Variants in ACADL observed in about 807,000 individuals in gnomAD.
ACADL encodes long-chain specific acyl-CoA dehydrogenase, mitochondrial.
A neutral mutation model predicts 56.9 loss-of-function variants in ACADL; 60 were observed. That is an observed-to-expected ratio of 1.05 (90% CI 0.86 to 1.31). ACADL has a LOEUF of 1.31. Among genes scored for constraint, ACADL ranks in the 50% most tolerant of loss-of-function variants. The pLI, the probability that ACADL is intolerant of heterozygous loss-of-function variation, is 0.00. For missense variants in ACADL, 484 were observed against 525.5 expected (o/e 0.92, Z 0.77); for synonymous variants, 158 against 179.7 (o/e 0.88, Z 0.97).
intron 5 of ACADL, chr2:210,209,509 T>C (rs1432519796): frequency 6.6e-6 from 1 of 152,154 alleles, no homozygotes; most frequent in African/African-American, 2.4e-5. Context: ...ATTCTATCAC[T>C]GTATCACTGA....
chr2:210,225,033 A>G, intron 1 of ACADL, 154 bp downstream of exon 1: 1 of 985,316 alleles, frequency 1.0e-6, no homozygotes, highest in South Asian at 4.7e-5. Flanking sequence ...CGCGGGATCC[A>G]GGAAAGGAGG....
At chr2:210,224,224 CAAA>C (rs34460820) in intron 1 of ACADL, 171 of 67,398 alleles carry the variant, frequency 2.5e-3, no homozygotes, top group Non-Finnish European at 3.2e-3. Context: ...GACTCTGTCT[CAAA>C]AAAAAAAAAA....
intron 5 of ACADL, among the ~76,000 whole-genome samples, chr2:210,207,269 T>C (rs1688900731): frequency 6.6e-6 from 1 of 152,162 alleles, no homozygotes; most frequent in Non-Finnish European, 1.5e-5. Flanking sequence ...CACTTAAAAA[T>C]TTTTGAATAG....
intron 8 of ACADL, among the ~76,000 whole-genome samples, chr2:210,195,962 TTC>T (rs1409715858): frequency 3.9e-5 from 6 of 152,176 alleles, no homozygotes; most frequent in African/African-American, 1.4e-4. Context: ...ACATTATCCC[TTC>T]TGATATGGTT....
At position 210,218,020 on chromosome 2, in the gene ACADL, G is replaced by C. The variant is rs1021096119; in HGVS notation, c.316C>G (p.His106Asp). ...QGLLGVNIAE[H>D]LGGIGGDLYS... ...AGATCCCCTCCAATTCCACCAAGAT[G>C]CTCTGCAATATTGACACCAAGCAGT... is the stretch of plus-strand genomic sequence containing the variant. Residue 106 changes from histidine to aspartate, a missense_variant, in exon 3 of 11, where the codon CAT (histidine) becomes GAT (aspartate). Physicochemically the swap from His to Asp is moderately conservative, Grantham distance 81 (BLOSUM62 -1). Coordinates refer to ENST00000233710, the MANE Select transcript of ACADL (RefSeq NM_001608.4). 1 of 1,613,912 alleles carries C rather than the reference G, an allele frequency of 6.2e-7. No homozygotes were observed. Among genetic ancestry groups the C allele is most frequent in the Admixed American group, 1.7e-5 (1 of 59,968 alleles).
chr2:210,199,885 CA>C (rs1264060617), intron 8 of ACADL, among the ~76,000 whole-genome samples: 2 of 152,078 alleles, frequency 1.3e-5, no homozygotes, highest in African/African-American at 4.8e-5. Flanking sequence ...GCTGAGACTA[CA>C]GACACACACC....
At chr2:210,219,127 C>G (rs1295503345) in intron 2 of ACADL, among the ~76,000 whole-genome samples, 1 of 152,170 alleles carries the variant, frequency 6.6e-6, no homozygotes, top group Non-Finnish European at 1.5e-5. Flanking sequence ...GTTTTGAATA[C>G]AGTTCTTGCT....
intron 4 of ACADL, among the ~76,000 whole-genome samples, chr2:210,210,607 G>A (rs1490376903): frequency 6.6e-6 from 1 of 152,058 alleles, no homozygotes; most frequent in African/African-American, 2.4e-5. Flanking sequence ...GTACTTTGCT[G>A]CCTTTAAACA....
chr2:210,192,376 G>C (rs2539005), intron 10 of ACADL, among the ~76,000 whole-genome samples: 14,989 of 152,000 alleles, frequency 0.099, 832 homozygotes, highest in Middle Eastern at 0.14. Flanking sequence ...GTTAATTCCA[G>C]CTACTCTGGA....
chr2:210,191,906 T>C (rs1158297566), intron 10 of ACADL, among the ~76,000 whole-genome samples: 1 of 152,030 alleles, frequency 6.6e-6, no homozygotes, highest in Non-Finnish European at 1.5e-5. Flanking sequence ...GGCAAAAGAC[T>C]GTTAGGAGAA....
At position 210,188,921 on chromosome 2, in the gene ACADL, G is replaced by T; in HGVS notation, c.*40C>A. 7.1e-7 allele frequency: 1 copy of T among 1,417,876 alleles called. No individual in the cohort carries two copies. Among genetic ancestry groups the T allele is most frequent in the Non-Finnish European group, 1.0e-6 (1 of 1,001,448 alleles). 87.8% of individuals were successfully genotyped at this position (1,417,876 alleles called of 1,614,324 possible). On this transcript the variant is annotated 3_prime_UTR_variant, in exon 11 of 11. Transcript: ENST00000233710. ...ATTTTATCTTGAGCAGATTTAAAAC[G>T]AGATTAGCTGTAATAGGACTCCAGG...
chr2:210,224,556 AACT>A (rs1689234813), intron 1 of ACADL: 11 of 984,976 alleles, frequency 1.1e-5, no homozygotes, highest in Non-Finnish European at 1.3e-5. Flanking sequence ...GTAGTCACTG[AACT>A]ACTTAGACTC....
chr2:210,217,173 A>G (rs1470380852), intron 3 of ACADL, among the ~76,000 whole-genome samples: 1 of 152,156 alleles, frequency 6.6e-6, no homozygotes, highest in African/African-American at 2.4e-5. Flanking sequence ...ACTGCTGGAC[A>G]TTTAGATTGC....
At position 210,216,356 on chromosome 2, in the gene ACADL, C is replaced by T. The variant is rs1465795605; in HGVS notation, c.527G>A (p.Gly176Glu). 6.2e-7 allele frequency: 1 copy of T among 1,613,560 alleles called. No individual in the cohort carries two copies. Residue 176 changes from glycine (G) to glutamate (E), a missense_variant, in exon 4 of 11, where the codon GGA becomes GAA. By Grantham distance (98) the Gly-to-Glu change is moderately conservative (BLOSUM62 -2). Transcript: ENST00000233710. ...CTAAATATTAACTTACCTTCCAGCT[C>T]CAGGCTCTGTCATTGCTATTGCACC... is the stretch of plus-strand genomic sequence containing the variant. ...CIGAIAMTEP[G>E]AGSDLQGIKT...
At chr2:210,207,237 C>T (rs1688900286) in intron 5 of ACADL, among the ~76,000 whole-genome samples, 1 of 152,138 alleles carries the variant, frequency 6.6e-6, no homozygotes, top group South Asian at 2.1e-4. Context: ...TTTCTAAATG[C>T]AATCTGATCA....
chr2:210,212,901 A>G (rs1186181710), intron 4 of ACADL, among the ~76,000 whole-genome samples: 4 of 152,208 alleles, frequency 2.6e-5, no homozygotes, highest in Admixed American at 6.5e-5. Context: ...CTGTTACAAC[A>G]TTGTCCGTGG....
chr2:210,208,572 C>T (rs1688927895), intron 5 of ACADL, among the ~76,000 whole-genome samples: 1 of 151,952 alleles, frequency 6.6e-6, no homozygotes, highest in Non-Finnish European at 1.5e-5. Flanking sequence ...TATAAAATAA[C>T]AGAAAATCAT....
At chr2:210,201,223 T>A (rs1004395877) in intron 8 of ACADL, among the ~76,000 whole-genome samples, 3 of 152,162 alleles carry the variant, frequency 2.0e-5, no homozygotes, top group Non-Finnish European at 4.4e-5. Context: ...CGCAGGACTT[T>A]CTTTCACTTT....
chr2:210,198,424 AT>A (rs1311361260), intron 8 of ACADL, among the ~76,000 whole-genome samples: 3 of 152,214 alleles, frequency 2.0e-5, no homozygotes, highest in African/African-American at 7.2e-5. Context: ...AAGAAGTATT[AT>A]TTTTTTCCTC....
Sources: gnomAD v4.1 joint callset for allele counts (sites outside exome capture counted in the v4.1 genomes callset) on GRCh38, gnomAD v4.1.1 for gene constraint, MANE v1.5 for transcripts, NCBI Gene and HGNC (gene_info 2026-07-23, HGNC 2026-07-21) for gene names.